ARHGAP24: variants seen among roughly 807,000 people sequenced by gnomAD.
ARHGAP24 encodes the protein Rho GTPase activating protein 24, also known as rho GTPase-activating protein 24.
A neutral mutation model predicts 76.4 loss-of-function variants in ARHGAP24; 50 were observed. The ratio of observed to expected loss-of-function variants is 0.65; its 90% confidence interval spans 0.52 to 0.83. The LOEUF (loss-of-function observed/expected upper bound fraction) is 0.83, where lower values mean the gene tolerates loss of function less well. ARHGAP24 is among the 40% of genes least tolerant of loss of function. The probability of loss-of-function intolerance (pLI) is 0.00; values close to 1 mark genes in which losing one functional copy is unlikely to be tolerated. For missense variants in ARHGAP24, 930 were observed against 914.2 expected (o/e 1.02, Z -0.22); for synonymous variants, 345 against 323.3 (o/e 1.07, Z -0.72).
chr4:85,658,007 G>A (rs576415279), intron 2 of ARHGAP24, among the ~76,000 whole-genome samples: 3 of 152,206 alleles, frequency 2.0e-5, no homozygotes, highest in East Asian at 3.9e-4. Flanking sequence ...TGCCCCCCTC[G>A]GCTTCCCAAG....
rs1560544158 is a variant in ARHGAP24, at chr4:85,591,030, G to GTTTTTTTTTTTTTTTTTTTTTT, written c.180+20309_180+20310insTTTTTTTTTTTTTTTTTTTTTT. On this transcript the variant is annotated intron_variant, in intron 2 of 9. Coordinates refer to ENST00000395184, the MANE Select transcript of ARHGAP24 (RefSeq NM_001025616.3). ...CAGCACTAACCTGTAAAATCTGCTGGGTTTTTTTTTTTTTTTTTTTTTTTT... is the reference window on the plus strand; with the variant it reads ...CAGCACTAACCTGTAAAATCTGCTGGTTTTTTTTTTTTTTTTTTTTTTGTTTTTTTTTTTTTTTTTTTTTTTT... Among the ~76,000 whole-genome samples, 2 of 121,854 alleles carry GTTTTTTTTTTTTTTTTTTTTTT rather than the reference G, an allele frequency of 1.6e-5. 1 individual carries two copies. Among genetic ancestry groups the GTTTTTTTTTTTTTTTTTTTTTT allele is most frequent in the African/African-American group, 6.3e-5 (2 of 31,632 alleles). 79.9% of individuals were successfully genotyped at this position (121,854 alleles called of 152,430 possible).
intron 3 of ARHGAP24, among the ~76,000 whole-genome samples, chr4:85,902,752 C>T (rs1161897257): frequency 2.6e-5 from 4 of 152,092 alleles, no homozygotes; most frequent in South Asian, 2.1e-4. Flanking sequence ...TACAGGTGCC[C>T]GCCACTGCGC....
At position 85,885,214 on chromosome 4, in the gene ARHGAP24, T is replaced by C. The variant is rs72970091; in HGVS notation, c.269-38434T>C. Among the ~76,000 whole-genome samples, 1,307 of 152,276 alleles carry C rather than the reference T, an allele frequency of 8.6e-3. 13 individuals are homozygous for C. The highest frequency in any genetic ancestry group is 0.036 in the East Asian group (186 of 5,192). On this transcript the variant is annotated intron_variant, in intron 3 of 9. Transcript: ENST00000395184. Reference sequence around the variant, plus strand: ...TTATGTAAAGTTTAATATTTACATATGTGGTCTTGATTATAGTATTTTGAG... The same window carrying C: ...TTATGTAAAGTTTAATATTTACATACGTGGTCTTGATTATAGTATTTTGAG...
At chr4:85,843,235 C>T (rs1024070146) in intron 3 of ARHGAP24, among the ~76,000 whole-genome samples, 31 of 152,102 alleles carry the variant, frequency 2.0e-4, no homozygotes, top group African/African-American at 6.8e-4. Flanking sequence ...GGACAGTTCT[C>T]TTATTGTTTC....
intron 3 of ARHGAP24, among the ~76,000 whole-genome samples, chr4:85,923,425 T>A (rs979278719): frequency 9.2e-5 from 14 of 152,226 alleles, no homozygotes; most frequent in African/African-American, 3.4e-4. Flanking sequence ...AGGCTTTGTT[T>A]AGAAAATGAC....
At chr4:85,553,314 T>C (rs2110130506) in intron 1 of ARHGAP24, among the ~76,000 whole-genome samples, 1 of 152,304 alleles carries the variant, frequency 6.6e-6, no homozygotes, top group East Asian at 1.9e-4. Flanking sequence ...CGCTACTGGC[T>C]CAGGTGGCCT....
chr4:85,979,149 G>A (rs1010146956), intron 8 of ARHGAP24, among the ~76,000 whole-genome samples: 1 of 152,102 alleles, frequency 6.6e-6, no homozygotes, highest in Non-Finnish European at 1.5e-5. Flanking sequence ...TAAAATCCAT[G>A]TTTGATCTGC....
chr4:85,970,640 C>T (rs1392664279), intron 5 of ARHGAP24, among the ~76,000 whole-genome samples: 1 of 152,134 alleles, frequency 6.6e-6, no homozygotes, highest in Admixed American at 6.6e-5. Context: ...GGCTCTGCTT[C>T]CATGCCACCG....
intron 2 of ARHGAP24, among the ~76,000 whole-genome samples, chr4:85,699,435 A>G (rs1723986241): frequency 6.6e-6 from 1 of 152,190 alleles, no homozygotes; most frequent in African/African-American, 2.4e-5. Context: ...CTCTACAAAA[A>G]ATAATTTTTC....
In ARHGAP24 at chr4:85,813,608, G is replaced by C. The variant is rs554200548; in HGVS notation, c.268+91636G>C. ...TAAATAATTATAAGCCCTACTTTTTGTTACTTATGAAAAAATAATTTTATT... is the reference window on the plus strand; with the variant it reads ...TAAATAATTATAAGCCCTACTTTTTCTTACTTATGAAAAAATAATTTTATT... On this transcript the variant is annotated intron_variant, in intron 3 of 9. Coordinates refer to ENST00000395184, the MANE Select transcript of ARHGAP24 (RefSeq NM_001025616.3). 2.0e-5 allele frequency among the ~76,000 whole-genome samples: 3 copies of C among 151,726 alleles called. No homozygotes were observed. The East Asian group carries it at 5.8e-4, about 29-fold the overall frequency.
chr4:85,865,214 T>C (rs905970034), intron 3 of ARHGAP24, among the ~76,000 whole-genome samples: 9 of 150,978 alleles, frequency 6.0e-5, no homozygotes, highest in Non-Finnish European at 1.2e-4. Context: ...CTTCATTTTA[T>C]AAATAAAAAA....
intron 3 of ARHGAP24, among the ~76,000 whole-genome samples, chr4:85,777,906 T>C (rs926475272): frequency 6.6e-6 from 1 of 152,164 alleles, no homozygotes; most frequent in Non-Finnish European, 1.5e-5. Context: ...AAGACACCAA[T>C]GAAAATTGTT....
At chr4:85,827,974 A>AG (rs1387193379) in intron 3 of ARHGAP24, 89 of 1,289,602 alleles carry the variant, frequency 6.9e-5, no homozygotes, top group Non-Finnish European at 8.9e-5. Flanking sequence ...TGTTTGTGCA[A>AG]GGTGAGAGCT....
chr4:85,529,477 A>G (rs905489943), intron 1 of ARHGAP24, among the ~76,000 whole-genome samples: 6 of 152,052 alleles, frequency 3.9e-5, no homozygotes, highest in South Asian at 2.1e-4. Context: ...AATTCTTTGC[A>G]TCAGCCTTCC....
At chr4:85,566,607 C>G (rs1476398642) in intron 1 of ARHGAP24, among the ~76,000 whole-genome samples, 1 of 152,164 alleles carries the variant, frequency 6.6e-6, no homozygotes. Flanking sequence ...TTGCAGAGCT[C>G]CATCTGTTGA....
At chr4:85,786,715 G>C (rs1245706036) in intron 3 of ARHGAP24, among the ~76,000 whole-genome samples, 2 of 152,154 alleles carry the variant, frequency 1.3e-5, no homozygotes, top group African/African-American at 4.8e-5. Flanking sequence ...AGTAAATGTT[G>C]AATGCTTCCC....
Position 85,570,281 on chromosome 4 carries a change from T to C in ARHGAP24, c.-20-241T>C, listed in dbSNP as rs1871823. Among the ~76,000 whole-genome samples, 101,592 of 151,680 alleles carry C rather than the reference T, an allele frequency of 0.67. 37,623 individuals carry two copies. The highest frequency in any genetic ancestry group is 0.85 in the Non-Finnish European group (58,017 of 67,946). ...TCTCCCACTCCCTTCCCCTTCCCCT[T>C]TCCTTACCTTTACTTCCCTTGCTCT... is the stretch of plus-strand genomic sequence containing the variant. On this transcript the variant is annotated intron_variant, in intron 1 of 9. Coordinates refer to ENST00000395184, the MANE Select transcript of ARHGAP24 (RefSeq NM_001025616.3).
chr4:85,768,127 A>G (rs922878048), intron 3 of ARHGAP24, among the ~76,000 whole-genome samples: 2 of 152,220 alleles, frequency 1.3e-5, no homozygotes, highest in Admixed American at 6.5e-5. Flanking sequence ...ACAACTTGCA[A>G]ACATGTTATA....
intron 3 of ARHGAP24, among the ~76,000 whole-genome samples, chr4:85,827,089 G>A (rs947321230): frequency 6.6e-6 from 1 of 151,898 alleles, no homozygotes; most frequent in Non-Finnish European, 1.5e-5. Flanking sequence ...TATATTTTTG[G>A]CAAGAAATGC....
Sources: allele counts gnomAD v4.1 joint callset (sites outside exome capture counted in the v4.1 genomes callset), GRCh38; gene constraint gnomAD v4.1.1; transcripts MANE v1.5; gene names NCBI Gene and HGNC (gene_info 2026-07-23, HGNC 2026-07-21).